Variants in VWF observed in about 807,000 individuals in gnomAD.
The protein encoded by VWF is von Willebrand factor.
A neutral mutation model predicts 308.6 loss-of-function variants in VWF; 176 were observed. The observed-to-expected ratio is 0.57, with a 90% confidence interval of 0.50 to 0.65. VWF has a LOEUF of 0.65. Among genes scored for constraint, VWF ranks in the 30% least tolerant of loss-of-function variants. The pLI is 0.00. For synonymous variants in VWF, 1,385 were observed against 1,443.4 expected, an observed-to-expected ratio of 0.96 and a Z score of 0.92; for missense variants, 3,146 against 3,648.2, an observed-to-expected ratio of 0.86 and a Z score of 3.55.
Position 6,026,438 on chromosome 12 carries a change from G to T in VWF, c.2968-392C>A, listed in dbSNP as rs545453912. Among the ~76,000 whole-genome samples, 9 of 152,264 alleles carry T rather than the reference G, an allele frequency of 5.9e-5. No homozygotes were observed. The South Asian group carries it at 1.9e-3, about 32-fold the overall frequency. On this transcript the variant is annotated intron_variant, in intron 22 of 51. Transcript: ENST00000261405. ...ACTGCTCCACCAATGGAGGTGTAGG[G>T]GTCCAAGGAGGGAAAGTTATAGAAC...
intron 41 of VWF, 121 bp downstream of exon 41, chr12:5,983,029 G>T: frequency 1.9e-6 from 2 of 1,047,968 alleles, no homozygotes; most frequent in Non-Finnish European, 2.9e-6. Flanking sequence ...TCCCAACCCA[G>T]ATTCAGCTAG....
intron 29 of VWF, 27 bp from the exon 30 acceptor site, chr12:6,016,683 AT>A: frequency 6.2e-7 from 1 of 1,614,252 alleles, no homozygotes; most frequent in Non-Finnish European, 8.5e-7. Flanking sequence ...AATGCGGATT[AT>A]TTTGAATCAA....
intron 5 of VWF, 134 bp from the exon 6 acceptor site, chr12:6,095,718 G>T: frequency 1.5e-6 from 2 of 1,325,944 alleles, no homozygotes; most frequent in Non-Finnish European, 2.1e-6. Context: ...GTCTGGCTAT[G>T]TTTCCCAGGC....
intron 11 of VWF, among the ~76,000 whole-genome samples, chr12:6,064,891 G>C (rs1347713657): frequency 6.6e-6 from 1 of 152,190 alleles, no homozygotes; most frequent in Non-Finnish European, 1.5e-5. Context: ...GCGTCCACTG[G>C]GTGGGGAGCT....
At chr12:6,111,519 T>C (rs2136523412) in intron 3 of VWF, among the ~76,000 whole-genome samples, 1 of 152,296 alleles carries the variant, frequency 6.6e-6, no homozygotes, top group South Asian at 2.1e-4. Context: ...ATCACAAGTA[T>C]GTACCACCAC....
intron 2 of VWF, chr12:6,122,780 A>C (rs1945445434): frequency 7.1e-6 from 4 of 561,712 alleles, no homozygotes; most frequent in South Asian, 5.6e-5. Context: ...TCTGACCCTC[A>C]GTCTCTTCAT....
At chr12:6,034,941 A>G in intron 19 of VWF, 115 bp from the exon 20 acceptor site, 1 of 1,309,710 alleles carries the variant, frequency 7.6e-7, no homozygotes, top group South Asian at 1.4e-5. Flanking sequence ...CCAACCCTCC[A>G]GGAAGCCCAA....
At chr12:5,991,712 T>C in intron 38 of VWF, 107 bp downstream of exon 38, 1 of 1,241,968 alleles carries the variant, frequency 8.1e-7, no homozygotes, top group Non-Finnish European at 1.2e-6. Context: ...CCCGTAAGAG[T>C]CAACCCTGCT....
intron 43 of VWF, among the ~76,000 whole-genome samples, chr12:5,972,160 G>A (rs932471181): frequency 7.2e-5 from 11 of 152,198 alleles, no homozygotes; most frequent in Admixed American, 2.0e-4. Context: ...GCTCACCAAC[G>A]TGCAGATTTG....
intron 15 of VWF, among the ~76,000 whole-genome samples, chr12:6,054,788 C>T (rs1944558006): frequency 2.3e-5 from 1 of 44,170 alleles, no homozygotes; most frequent in Non-Finnish European, 5.5e-5. Flanking sequence ...TTGATGTGAC[C>T]TCTTCTTACG....
intron 16 of VWF, among the ~76,000 whole-genome samples, chr12:6,049,604 C>T (rs149847300): frequency 6.6e-6 from 1 of 152,202 alleles, no homozygotes; most frequent in Non-Finnish European, 1.5e-5. Context: ...GTTCAAGAAT[C>T]CCTGGGCTCT....
At chr12:6,077,080 C>A (rs1367583215) in intron 6 of VWF, among the ~76,000 whole-genome samples, 1 of 152,170 alleles carries the variant, frequency 6.6e-6, no homozygotes, top group Non-Finnish European at 1.5e-5. Context: ...GAGGCCAAGT[C>A]GGGCGGATCA....
intron 47 of VWF, among the ~76,000 whole-genome samples, chr12:5,964,270 A>ACATG (rs748545908): frequency 1.1e-4 from 16 of 139,132 alleles, no homozygotes; most frequent in African/African-American, 2.5e-4. Context: ...ATACATACAT[A>ACATG]CATGCATACA....
At chr12:6,069,242 G>C (rs1397860048) in intron 10 of VWF, among the ~76,000 whole-genome samples, 1 of 152,076 alleles carries the variant, frequency 6.6e-6, no homozygotes, top group African/African-American at 2.4e-5. Context: ...TTACAGATGA[G>C]GAAACTGAAG....
intron 34 of VWF, 24 bp from the exon 35 acceptor site, chr12:5,996,246 G>A (rs748715309): frequency 8.8e-6 from 14 of 1,593,970 alleles, no homozygotes; most frequent in Non-Finnish European, 1.1e-5. Flanking sequence ...AGCAGAGGAT[G>A]GATGCGACGT....
chr12:6,066,186 A>T (rs552214763), intron 10 of VWF, among the ~76,000 whole-genome samples: 57 of 152,018 alleles, frequency 3.7e-4, no homozygotes, highest in African/African-American at 1.3e-3. Context: ...TGCACCTCCA[A>T]ACTGAGATCA....
intron 47 of VWF, among the ~76,000 whole-genome samples, chr12:5,961,085 G>T (rs956652276): frequency 6.6e-6 from 1 of 152,158 alleles, no homozygotes; most frequent in Non-Finnish European, 1.5e-5. Flanking sequence ...TGCTCCTTAT[G>T]GGAATCTAAT....
At chr12:5,979,344 T>C (rs1943567293) in intron 42 of VWF, among the ~76,000 whole-genome samples, 1 of 152,178 alleles carries the variant, frequency 6.6e-6, no homozygotes, top group Non-Finnish European at 1.5e-5. Flanking sequence ...ACATAATAAA[T>C]CTTAGACAAC....
At chr12:6,109,257 G>GTA (rs774855903) in intron 5 of VWF, among the ~76,000 whole-genome samples, 2 of 148,914 alleles carry the variant, frequency 1.3e-5, no homozygotes, top group Non-Finnish European at 3.0e-5. Context: ...ACACACACGT[G>GTA]TATATATATA....
Sources: allele counts gnomAD v4.1 joint callset (sites outside exome capture counted in the v4.1 genomes callset), GRCh38; gene constraint gnomAD v4.1.1; transcripts MANE v1.5; gene names NCBI Gene and HGNC (gene_info 2026-07-23, HGNC 2026-07-21).